The following TXNRD1 variants were observed in gnomAD, a reference collection of about 807,000 sequenced individuals.
TXNRD1 encodes the protein thioredoxin reductase 1, also known as thioredoxin reductase 1, cytoplasmic.
TXNRD1 carries 57 observed loss-of-function variants against 80.3 expected under a neutral mutation model. The ratio of observed to expected loss-of-function variants is 0.71; its 90% confidence interval spans 0.57 to 0.89. The LOEUF is 0.89. Ranked by LOEUF, TXNRD1 falls within the 40% of genes least tolerant of loss-of-function variation. The pLI, the probability that TXNRD1 is intolerant of heterozygous loss-of-function variation, is 0.00. For missense variants in TXNRD1, 730 were observed against 803.0 expected, an observed-to-expected ratio of 0.91 and a Z score of 1.10; for synonymous variants, 291 against 285.2, an observed-to-expected ratio of 1.02 and a Z score of -0.20.
chr12:104,316,972 A>G (rs1192567566), intron 7 of TXNRD1, among the ~76,000 whole-genome samples: 1 of 152,138 alleles, frequency 6.6e-6, no homozygotes, highest in African/African-American at 2.4e-5. Flanking sequence ...TTTTGCTCTC[A>G]CTCAAACTAG....
intron 3 of TXNRD1, among the ~76,000 whole-genome samples, chr12:104,270,413 A>C (rs1447766500): frequency 2.0e-5 from 3 of 152,222 alleles, no homozygotes; most frequent in Non-Finnish European, 4.4e-5. Context: ...CTCTTGAGTG[A>C]CCACATGCAC....
intron 16 of TXNRD1, among the ~76,000 whole-genome samples, chr12:104,345,630 C>T (rs542656396): frequency 1.2e-3 from 31 of 25,876 alleles, no homozygotes; most frequent in Admixed American, 2.4e-3. Context: ...GAGTAGGAAA[C>T]GGATTACACA....
rs545981986 is a variant in TXNRD1 at position 104,330,680 on chromosome 12, G to A, written c.1543-854G>A. ...TGGCTCACTGCAACCTCTGCCTCCC[G>A]GGTTCAAGCGATTCTCCTGCCTCAG... On this transcript the variant is annotated intron_variant, in intron 13 of 16. Transcript: ENST00000525566. Among the ~76,000 whole-genome samples, 34 of 152,018 alleles carry A rather than the reference G, an allele frequency of 2.2e-4. No homozygotes were observed. The South Asian group carries it at 5.4e-3, about 24-fold the overall frequency.
rs913217275 is a variant in TXNRD1, at chr12:104,346,252, A to G, written c.1882-2101A>G. 2.7e-4 allele frequency: 52 copies of G among 192,642 alleles called. 1 individual carries two copies. The highest frequency in any genetic ancestry group is 1.4e-3 in the Admixed American group (26 of 18,178). 11.9% of individuals were successfully genotyped at this position (192,642 alleles called of 1,614,324 possible). The stretch of plus-strand genomic sequence containing the variant: ...GGTCTCAAACTCCTGGGCTCAAGCA[A>G]TCCTCCCGCCTTGGCTTCCCAAAGT... On this transcript the variant is annotated intron_variant, in intron 16 of 16. Coordinates refer to ENST00000525566, the MANE Select transcript of TXNRD1 (RefSeq NM_001093771.3).
intron 2 of TXNRD1, among the ~76,000 whole-genome samples, chr12:104,256,547 G>A (rs965028445): frequency 6.6e-6 from 1 of 152,044 alleles, no homozygotes; most frequent in Non-Finnish European, 1.5e-5. Flanking sequence ...TTGGGAGGCC[G>A]AGGTGGGCAG....
At chr12:104,227,825 T>C (rs2032508646) in intron 1 of TXNRD1, among the ~76,000 whole-genome samples, 1 of 152,224 alleles carries the variant, frequency 6.6e-6, no homozygotes, top group South Asian at 2.1e-4. Context: ...CATAATACTT[T>C]TGAGATTCAT....
chr12:104,303,759 C>CT, intron 4 of TXNRD1: 1 of 1,128,514 alleles, frequency 8.9e-7, no homozygotes. Flanking sequence ...GTCCTCGGCT[C>CT]TAACTGCCGC....
intron 4 of TXNRD1, among the ~76,000 whole-genome samples, chr12:104,306,189 C>T (rs1043983940): frequency 2.0e-5 from 3 of 152,100 alleles, no homozygotes; most frequent in Admixed American, 2.0e-4. Flanking sequence ...CAAGTGTGAG[C>T]CAAATTTTGC....
intron 1 of TXNRD1, among the ~76,000 whole-genome samples, chr12:104,234,379 C>T (rs2032688665): frequency 6.6e-6 from 1 of 152,200 alleles, no homozygotes; most frequent in Non-Finnish European, 1.5e-5. Context: ...ACTGCAACCT[C>T]TGCCTCCTGG....
At chr12:104,338,405 G>A (rs2036211942) in intron 15 of TXNRD1, among the ~76,000 whole-genome samples, 1 of 151,530 alleles carries the variant, frequency 6.6e-6, no homozygotes, top group Admixed American at 6.6e-5. Context: ...TAAAGTCTCT[G>A]GCCATTTTTC....
chr12:104,278,434 C>T (rs1319305975), intron 3 of TXNRD1, among the ~76,000 whole-genome samples: 2 of 147,642 alleles, frequency 1.4e-5, no homozygotes, highest in Admixed American at 6.8e-5. Flanking sequence ...CTCCTGACCT[C>T]GTGATCCGCC....
chr12:104,312,640 T>C (rs544718345), intron 5 of TXNRD1, among the ~76,000 whole-genome samples: 2 of 152,318 alleles, frequency 1.3e-5, no homozygotes, highest in African/African-American at 2.4e-5. Flanking sequence ...ATAAAAGATA[T>C]TCTGCAAAAC....
At chr12:104,238,330 T>C (rs1349269447) in intron 1 of TXNRD1, among the ~76,000 whole-genome samples, 5 of 152,248 alleles carry the variant, frequency 3.3e-5, no homozygotes, top group African/African-American at 1.2e-4. Flanking sequence ...AAAGAATGTA[T>C]GGGACTCATA....
At chr12:104,268,913 A>C (rs1259476552) in intron 3 of TXNRD1, among the ~76,000 whole-genome samples, 1 of 132,188 alleles carries the variant, frequency 7.6e-6, no homozygotes, top group Non-Finnish European at 1.6e-5. Context: ...CGTTGTTGTC[A>C]TTTCTTTTTT....
rs560045085 is a variant in TXNRD1 at position 104,267,762 on chromosome 12, C to T, written c.304+9683C>T. Among the ~76,000 whole-genome samples, 3 of 140,768 alleles carry T rather than the reference C, an allele frequency of 2.1e-5. No homozygotes were observed. The East Asian group carries it at 6.4e-4, about 30-fold the overall frequency. 92.3% of individuals were successfully genotyped at this position (140,768 alleles called of 152,430 possible). A position where few individuals can be genotyped will look rare whatever the true frequency, so the allele number is the denominator to read the frequency against. On this transcript the variant is annotated intron_variant, in intron 3 of 16. Transcript: ENST00000525566. The stretch of plus-strand genomic sequence containing the variant: ...TTTCTTCCTTCCTTCCTTCCTCCCT[C>T]CCTTCCCTTTCCTTCCCTTCCCTCC...
rs761779805 is a variant in TXNRD1, at chr12:104,313,335, T to C, written c.610+18T>C. The C allele has an allele frequency of 1.6e-5, 25 of 1,553,114 alleles. No homozygotes were observed. The highest frequency in any genetic ancestry group is 3.5e-6 in the Non-Finnish European group (4 of 1,144,568). ...TAGATGGGGTAAGCTTTTAAGATAC[T>C]CTAGAAGTGATGTTGCCGAAGTAGT... On this transcript the variant is annotated intron_variant, in intron 6 of 16. Coordinates refer to ENST00000525566, the MANE Select transcript of TXNRD1 (RefSeq NM_001093771.3).
intron 1 of TXNRD1, among the ~76,000 whole-genome samples, chr12:104,219,223 G>T (rs964171110): frequency 3.9e-5 from 6 of 152,080 alleles, no homozygotes; most frequent in African/African-American, 1.4e-4. Flanking sequence ...ACTGCACCAG[G>T]CCCATATTAT....
chr12:104,282,464 C>T (rs934058425), intron 3 of TXNRD1, among the ~76,000 whole-genome samples: 2 of 152,182 alleles, frequency 1.3e-5, no homozygotes, highest in Non-Finnish European at 2.9e-5. Context: ...CTCCTCTTTC[C>T]TCTGCTTAGA....
At chr12:104,341,342 G>A (rs76462012) in intron 16 of TXNRD1, among the ~76,000 whole-genome samples, 10,716 of 152,206 alleles carry the variant, frequency 0.07, 641 homozygotes, top group African/African-American at 0.16. Context: ...GGGTGAAATC[G>A]CACTCTGTGA....
Sources: allele counts gnomAD v4.1 joint callset (sites outside exome capture counted in the v4.1 genomes callset), GRCh38; gene constraint gnomAD v4.1.1; transcripts MANE v1.5; gene names NCBI Gene and HGNC (gene_info 2026-07-23, HGNC 2026-07-21).